The following SMOC2 variants were observed in gnomAD, a reference collection of about 807,000 sequenced individuals.
The protein encoded by SMOC2 is SPARC-related modular calcium-binding protein 2.
A neutral mutation model predicts 61.4 loss-of-function variants in SMOC2; 39 were observed. That is an observed-to-expected ratio of 0.64 (90% CI 0.49 to 0.83). The LOEUF (loss-of-function observed/expected upper bound fraction) is 0.83, where lower values mean the gene tolerates loss of function less well. Among genes scored for constraint, SMOC2 ranks in the 40% least tolerant of loss-of-function variants. SMOC2 has a pLI of 0.00. For synonymous variants in SMOC2, 247 were observed against 239.9 expected (o/e 1.03, Z -0.27); for missense variants, 556 against 592.9 (o/e 0.94, Z 0.65).
intron 9 of SMOC2, among the ~76,000 whole-genome samples, chr6:168,628,178 T>C (rs1304926297): frequency 6.6e-6 from 1 of 152,244 alleles, no homozygotes; most frequent in African/African-American, 2.4e-5. Context: ...GATTCCCAGA[T>C]AAACACACTT....
intron 9 of SMOC2, among the ~76,000 whole-genome samples, chr6:168,636,471 A>G (rs1786723326): frequency 6.6e-6 from 1 of 152,234 alleles, no homozygotes; most frequent in South Asian, 2.1e-4. Flanking sequence ...GAGGTCAGTG[A>G]CATGATTAGC....
At chr6:168,617,395 C>G (rs920660179) in intron 9 of SMOC2, among the ~76,000 whole-genome samples, 80 of 152,286 alleles carry the variant, frequency 5.3e-4, no homozygotes, top group African/African-American at 1.9e-3. Context: ...CGTGGCTGAG[C>G]AGGAGCTTTT....
chr6:168,503,864 TC>T (rs1444897937), intron 1 of SMOC2, among the ~76,000 whole-genome samples: 2 of 152,096 alleles, frequency 1.3e-5, no homozygotes, highest in Non-Finnish European at 2.9e-5. Context: ...ATTGGTGAGA[TC>T]CTGTGCAGAG....
intron 7 of SMOC2, among the ~76,000 whole-genome samples, chr6:168,577,395 G>A (rs182596355): frequency 1.3e-5 from 2 of 152,314 alleles, no homozygotes; most frequent in African/African-American, 4.8e-5. Context: ...GTAAGACTCT[G>A]CTGGCACCTA....
Position 168,543,678 on chromosome 6 carries a change from T to C in SMOC2, c.511+6T>C. On this transcript the variant is annotated splice_donor_region_variant and intron_variant, in intron 5 of 12. Transcript: ENST00000356284. The stretch of plus-strand genomic sequence containing the variant: ...CGAAGGCACAGGAAAAACAGGTAAC[T>C]ATCTTAGAATAAATGTCTATGACGA... 6.2e-7 allele frequency: 1 copy of C among 1,612,118 alleles called. No individual in the cohort carries two copies. Among genetic ancestry groups the C allele is most frequent in the Non-Finnish European group, 8.5e-7 (1 of 1,178,248 alleles).
At chr6:168,562,796 G>A (rs368815996) in intron 7 of SMOC2, among the ~76,000 whole-genome samples, 3 of 152,312 alleles carry the variant, frequency 2.0e-5, no homozygotes, top group East Asian at 1.9e-4. Flanking sequence ...GGAGAGCGTT[G>A]CCCGTGGAGC....
intron 9 of SMOC2, among the ~76,000 whole-genome samples, chr6:168,638,395 A>T (rs1019653222): frequency 2.6e-5 from 4 of 152,200 alleles, no homozygotes; most frequent in Admixed American, 1.3e-4. Flanking sequence ...TAAGTTAGAC[A>T]CTAAGCAAAC....
chr6:168,454,754 G>A (rs2114996810), intron 1 of SMOC2, among the ~76,000 whole-genome samples: 1 of 152,338 alleles, frequency 6.6e-6, no homozygotes, highest in Admixed American at 6.5e-5. Flanking sequence ...GTCTTGATTT[G>A]GAGGTGAGCT....
chr6:168,515,561 G>A (rs1370846654), intron 2 of SMOC2, among the ~76,000 whole-genome samples: 2 of 31,308 alleles, frequency 6.4e-5, no homozygotes, highest in Non-Finnish European at 1.7e-4. Flanking sequence ...TAAAGAAGCA[G>A]CCTCGCACCT....
chr6:168,513,927 G>A (rs1013885802), intron 2 of SMOC2, among the ~76,000 whole-genome samples: 85 of 152,232 alleles, frequency 5.6e-4, no homozygotes, highest in African/African-American at 1.9e-3. Flanking sequence ...TGCTCCCAAC[G>A]CCCGGCCTGT....
intron 7 of SMOC2, among the ~76,000 whole-genome samples, chr6:168,585,705 G>A (rs1006032462): frequency 2.3e-4 from 35 of 152,376 alleles, no homozygotes; most frequent in African/African-American, 8.2e-4. Flanking sequence ...TAGCAGGCAT[G>A]TGGTGCTGCC....
rs145743865 is a variant in SMOC2 at position 168,491,050 on chromosome 6, G to A, written c.85-18865G>A. 9.0e-4 allele frequency among the ~76,000 whole-genome samples: 137 copies of A among 152,276 alleles called. 2 individuals are homozygous for A. In the East Asian group the frequency reaches 0.024, roughly 27 times the overall value. ...TCTTGTGCAAGGGGGCAGCGGGGGC[G>A]GCTGGTCTCTCTCATTAAAAGGTGA... On this transcript the variant is annotated intron_variant, in intron 1 of 12. Coordinates refer to ENST00000356284, the MANE Select transcript of SMOC2 (RefSeq NM_001166412.2).
chr6:168,643,720 C>A (rs183380689), intron 9 of SMOC2, among the ~76,000 whole-genome samples: 2 of 152,302 alleles, frequency 1.3e-5, no homozygotes, highest in East Asian at 3.9e-4. Flanking sequence ...CTGCCTCTAC[C>A]CCCCAGCAAG....
At chr6:168,659,642 TTGGGTGAGGGTGGAGGTTGTAGGC>T (rs1583194552) in intron 11 of SMOC2, among the ~76,000 whole-genome samples, 4 of 25,740 alleles carry the variant, frequency 1.6e-4, no homozygotes, top group Non-Finnish European at 2.5e-4. Flanking sequence ...AGGTTGTAGG[TTGGGTGAGGGTGGAGGTTGTAGGC>T]TGGGTGAGGG....
At chr6:168,635,394 G>T (rs1220425130) in intron 9 of SMOC2, among the ~76,000 whole-genome samples, 5 of 152,196 alleles carry the variant, frequency 3.3e-5, no homozygotes, top group African/African-American at 1.2e-4. Flanking sequence ...ATTCTGTGGG[G>T]GCAGCTCTTT....
intron 11 of SMOC2, among the ~76,000 whole-genome samples, chr6:168,663,470 C>T (rs1787573787): frequency 6.6e-6 from 1 of 152,188 alleles, no homozygotes; most frequent in South Asian, 2.1e-4. Context: ...GACGTGAATC[C>T]CCCGCCTTCT....
At chr6:168,442,750 T>A (rs1370452481) in intron 1 of SMOC2, among the ~76,000 whole-genome samples, 1 of 152,264 alleles carries the variant, frequency 6.6e-6, no homozygotes, top group Non-Finnish European at 1.5e-5. Flanking sequence ...CTTTTGCGTT[T>A]TAGCAGTGTG....
intron 8 of SMOC2, 47 bp downstream of exon 8, chr6:168,599,051 G>T: frequency 1.3e-6 from 2 of 1,511,622 alleles, no homozygotes; most frequent in Non-Finnish European, 1.8e-6. Context: ...GAGGCTTTGG[G>T]GTGTGGAAGC....
intron 1 of SMOC2, among the ~76,000 whole-genome samples, chr6:168,483,483 T>G (rs180960814): frequency 1.2e-4 from 18 of 152,250 alleles, no homozygotes; most frequent in Non-Finnish European, 7.4e-5. Context: ...TGGATCAGTA[T>G]TAGTACTGCT....
Sources: gnomAD v4.1 joint callset for allele counts (sites outside exome capture counted in the v4.1 genomes callset) on GRCh38, gnomAD v4.1.1 for gene constraint, MANE v1.5 for transcripts, NCBI Gene and HGNC (gene_info 2026-07-23, HGNC 2026-07-21) for gene names.